Variants in GRHL2 observed in about 807,000 individuals in gnomAD.
GRHL2 encodes the protein grainyhead like transcription factor 2.
A neutral mutation model predicts 83.8 loss-of-function variants in GRHL2; 21 were observed. The ratio of observed to expected loss-of-function variants is 0.25; its 90% CI spans 0.18 to 0.36. The LOEUF is 0.36. Among genes scored for constraint, GRHL2 ranks in the 10% least tolerant of loss-of-function variants. The pLI, the probability that GRHL2 is intolerant of heterozygous loss-of-function variation, is 1.00. For missense variants in GRHL2, 623 were observed against 781.8 expected, an observed-to-expected ratio of 0.80 and a Z score of 2.42; for synonymous variants, 280 against 278.9, an observed-to-expected ratio of 1.00 and a Z score of -0.04.
intron 1 of GRHL2, among the ~76,000 whole-genome samples, chr8:101,515,477 T>A (rs946898311): frequency 2.6e-5 from 4 of 152,206 alleles, no homozygotes; most frequent in Non-Finnish European, 2.9e-5. Context: ...AGGAAGCCTA[T>A]GTCTCTCCTG....
chr8:101,542,085 A>G (rs933377981), intron 1 of GRHL2, among the ~76,000 whole-genome samples: 3 of 152,210 alleles, frequency 2.0e-5, no homozygotes, highest in African/African-American at 7.2e-5. Context: ...AGTAGCTTAC[A>G]TTGCCTTTTA....
chr8:101,583,695 T>C (rs917339871), intron 7 of GRHL2, among the ~76,000 whole-genome samples: 10 of 152,320 alleles, frequency 6.6e-5, no homozygotes, highest in African/African-American at 2.2e-4. Flanking sequence ...AAAAGTTAAC[T>C]AGACTAGATA....
chr8:101,608,729 A>ACTCT lies in GRHL2; in HGVS notation c.1098+9582_1098+9585dup, dbSNP rs199589210. On this transcript the variant is annotated intron_variant, in intron 8 of 15. Transcript: ENST00000646743. ...TGCCAGATTTGCTTTGTCTCTGCTC[A>ACTCT]CTCTCTCACACACACACACACACAC... 5.9e-3 allele frequency among the ~76,000 whole-genome samples: 355 copies of ACTCT among 59,988 alleles called. 13 individuals are homozygous for ACTCT. The highest frequency in any genetic ancestry group is 0.032 in the African/African-American group (322 of 9,966). The allele number at this position is 59,988 out of a possible 152,430, so 39.4% of individuals were successfully genotyped here.
At chr8:101,584,768 A>G (rs1812127940) in intron 7 of GRHL2, among the ~76,000 whole-genome samples, 1 of 151,996 alleles carries the variant, frequency 6.6e-6, no homozygotes, top group Non-Finnish European at 1.5e-5. Context: ...TGACGTCCAC[A>G]TGTTGGGAAG....
At chr8:101,577,191 T>G (rs975237901) in intron 6 of GRHL2, among the ~76,000 whole-genome samples, 9 of 152,104 alleles carry the variant, frequency 5.9e-5, no homozygotes, top group African/African-American at 1.9e-4. Context: ...CTTTTTTTTT[T>G]CCTTCATGCT....
the GRHL2 span, among the ~76,000 whole-genome samples, chr8:101,678,421 C>A: frequency 1.3e-5 from 2 of 151,924 alleles, no homozygotes; most frequent in Non-Finnish European, 2.9e-5. Context: ...GCACCTGGCT[C>A]GGAGGGTCCT....
intron 14 of GRHL2, among the ~76,000 whole-genome samples, chr8:101,658,500 C>G (rs1403563427): frequency 6.6e-6 from 1 of 152,168 alleles, no homozygotes; most frequent in East Asian, 1.9e-4. Context: ...ATGCAAAGCT[C>G]CACATGCCTG....
intron 6 of GRHL2, among the ~76,000 whole-genome samples, chr8:101,574,336 T>A (rs1405682281): frequency 6.6e-6 from 1 of 152,172 alleles, no homozygotes; most frequent in African/African-American, 2.4e-5. Context: ...AGTTTTCAGA[T>A]TCATGAGTAT....
chr8:101,530,473 T>C (rs1810901232), intron 1 of GRHL2, among the ~76,000 whole-genome samples: 1 of 152,248 alleles, frequency 6.6e-6, no homozygotes, highest in Non-Finnish European at 1.5e-5. Context: ...TTAAAAATCA[T>C]ATTTTTGTTT....
chr8:101,589,463 G>C (rs144759966), intron 7 of GRHL2, among the ~76,000 whole-genome samples: 5 of 152,168 alleles, frequency 3.3e-5, no homozygotes, highest in Admixed American at 2.0e-4. Context: ...AATCAAGTTT[G>C]TTAGTCAAGA....
chr8:101,676,594 C>G, the GRHL2 span, among the ~76,000 whole-genome samples: 1 of 152,142 alleles, frequency 6.6e-6, no homozygotes, highest in Non-Finnish European at 1.5e-5. Context: ...GAAATAGGAA[C>G]ACTTTTACAC....
chr8:101,657,473 C>CAAAT (rs1813818451), intron 14 of GRHL2, among the ~76,000 whole-genome samples: 1 of 152,096 alleles, frequency 6.6e-6, no homozygotes, highest in Admixed American at 6.5e-5. Flanking sequence ...GGGGTTTTTA[C>CAAAT]AAATATTGAT....
intron 12 of GRHL2, among the ~76,000 whole-genome samples, chr8:101,643,068 C>T (rs1813433736): frequency 6.6e-6 from 1 of 152,114 alleles, no homozygotes; most frequent in South Asian, 2.1e-4. Flanking sequence ...GGCATTTCTT[C>T]ACGTGCCTGG....
chr8:101,550,227 G>T (rs1248617045), intron 2 of GRHL2, among the ~76,000 whole-genome samples: 2 of 151,074 alleles, frequency 1.3e-5, no homozygotes, highest in Admixed American at 1.3e-4. Flanking sequence ...TTTAGATTTG[G>T]GGATATGTGT....
chr8:101,623,230 T>C (rs1340102731), intron 9 of GRHL2, among the ~76,000 whole-genome samples: 3 of 152,264 alleles, frequency 2.0e-5, no homozygotes, highest in African/African-American at 7.2e-5. Flanking sequence ...CAGGCCATGA[T>C]GATTTCAGTT....
At chr8:101,572,242 A>G (rs1413036395) in intron 5 of GRHL2, among the ~76,000 whole-genome samples, 1 of 152,216 alleles carries the variant, frequency 6.6e-6, no homozygotes, top group Non-Finnish European at 1.5e-5. Flanking sequence ...CTAAAATGTT[A>G]TGATTCAATG....
chr8:101,530,828 G>T (rs1192736222), intron 1 of GRHL2, among the ~76,000 whole-genome samples: 1 of 152,066 alleles, frequency 6.6e-6, no homozygotes, highest in African/African-American at 2.4e-5. Context: ...TGTTATATTG[G>T]TCTTTTGTAT....
At chr8:101,596,863 A>G (rs1812401969) in intron 7 of GRHL2, among the ~76,000 whole-genome samples, 1 of 152,196 alleles carries the variant, frequency 6.6e-6, no homozygotes, top group South Asian at 2.1e-4. Flanking sequence ...TTTATATTGA[A>G]GTACGTGCTT....
intron 2 of GRHL2, 93 bp from the exon 3 acceptor site, chr8:101,552,622 A>T: frequency 8.7e-7 from 1 of 1,147,562 alleles, no homozygotes; most frequent in South Asian, 1.2e-5. Flanking sequence ...AGAACATTCC[A>T]TTTTGGTTTC....
Sources: gnomAD v4.1 joint callset for allele counts (sites outside exome capture counted in the v4.1 genomes callset) on GRCh38, gnomAD v4.1.1 for gene constraint, MANE v1.5 for transcripts, NCBI Gene and HGNC (gene_info 2026-07-23, HGNC 2026-07-21) for gene names.